The following EDA variants were observed in gnomAD, a reference collection of about 807,000 sequenced individuals.
The protein encoded by EDA is ectodysplasin-A.
A neutral mutation model predicts 23.6 loss-of-function variants in EDA; 2 were observed. The ratio of observed to expected loss-of-function variants is 0.08; its 90% CI spans 0.03 to 0.27. The LOEUF (loss-of-function observed/expected upper bound fraction) is 0.27. Among genes scored for constraint, EDA ranks in the 10% least tolerant of loss-of-function variants. The pLI, the probability that EDA is intolerant of heterozygous loss-of-function variation, is 1.00. For synonymous variants in EDA, 131 were observed against 132.0 expected (o/e 0.99, Z 0.05); for missense variants, 229 against 324.2 (o/e 0.71, Z 2.26).
chrX:69,645,584 T>TTATATATATA lies in EDA; in HGVS notation c.396+28889_396+28890insATATATATAT, dbSNP rs761403541. ...GGTTGCTCTTAGTTCTCTAGTTCTT[T>TTATATATATA]TATATATATGTGTGTGTGTATATAT... is the stretch of plus-strand genomic sequence containing the variant. On this transcript the variant is annotated intron_variant, in intron 1 of 7. Coordinates refer to ENST00000374552, the MANE Select transcript of EDA (RefSeq NM_001399.5). 5.8e-3 allele frequency among the ~76,000 whole-genome samples: 316 copies of TTATATATATA among 54,349 alleles called. 54 individuals are homozygous for TTATATATATA. Among genetic ancestry groups the TTATATATATA allele is most frequent in the African/African-American group, 0.018 (169 of 9,281 alleles). The allele number at this position is 54,349 out of a possible 115,157, so 47.2% of individuals were successfully genotyped here. A position where few individuals can be genotyped will look rare whatever the true frequency, so the allele number is the denominator to read the frequency against.
At chrX:70,033,898 A>G (rs1035356818) in intron 7 of EDA, among the ~76,000 whole-genome samples, 1 of 111,652 alleles carries the variant, frequency 9.0e-6, no homozygotes, top group Non-Finnish European at 1.9e-5. Context: ...AGTCAGTTCC[A>G]GGGTTACTGA....
chrX:69,992,845 T>G (rs1345539668), intron 2 of EDA, among the ~76,000 whole-genome samples: 2 of 107,912 alleles, frequency 1.9e-5, no homozygotes, highest in Non-Finnish European at 3.9e-5. Flanking sequence ...TTCCTATGAG[T>G]CTGCTTTTGT....
intron 1 of EDA, among the ~76,000 whole-genome samples, chrX:69,842,018 C>G (rs903885105): frequency 8.9e-6 from 1 of 112,189 alleles, no homozygotes; most frequent in African/African-American, 3.2e-5. Context: ...GGGTCCCCCC[C>G]GTCGGACCAT....
chrX:69,855,135 C>T (rs1569356136), intron 1 of EDA, among the ~76,000 whole-genome samples: 1 of 110,825 alleles, frequency 9.0e-6, no homozygotes, highest in Non-Finnish European at 1.9e-5. Context: ...TGTTTATATC[C>T]TTTGCCCACT....
At chrX:69,752,948 C>G (rs1327733637) in intron 1 of EDA, among the ~76,000 whole-genome samples, 2 of 111,548 alleles carry the variant, frequency 1.8e-5, no homozygotes, top group Non-Finnish European at 3.8e-5. Context: ...TTTATTGCAT[C>G]TATTTGATTC....
chrX:69,724,692 T>A (rs1300262489), intron 1 of EDA, among the ~76,000 whole-genome samples: 1 of 111,880 alleles, frequency 8.9e-6, no homozygotes, highest in Non-Finnish European at 1.9e-5. Context: ...TGGTTATCTG[T>A]GTTGTCTGGT....
rs768027151 is a variant in EDA at position 69,697,163 on chromosome X, C to T, written c.396+80459C>T. Among the ~76,000 whole-genome samples, 107 of 111,669 alleles carry T rather than the reference C, an allele frequency of 9.6e-4. 1 individual carries two copies. Among genetic ancestry groups the T allele is most frequent in the Non-Finnish European group, 1.5e-3 (81 of 53,123 alleles). On this transcript the variant is annotated intron_variant, in intron 1 of 7. Coordinates refer to ENST00000374552, the MANE Select transcript of EDA (RefSeq NM_001399.5). ...GCTGAGACCTAAAATGGCGTCAGCA[C>T]CAAATGAGGACAGGGCAGGGATTTT... is the stretch of plus-strand genomic sequence containing the variant.
chrX:69,937,427 G>T (rs920990860), intron 1 of EDA: 5 of 752,722 alleles, frequency 6.6e-6, no homozygotes, highest in Non-Finnish European at 1.0e-5. Context: ...TCTTCATGAG[G>T]TACTTCACAT....
intron 1 of EDA, among the ~76,000 whole-genome samples, chrX:69,933,591 C>T (rs1390743587): frequency 9.1e-6 from 1 of 110,442 alleles, no homozygotes; most frequent in Non-Finnish European, 1.9e-5. Context: ...GCAGGAGAAT[C>T]GCTTGAACCC....
At chrX:69,862,996 C>T (rs1244443971) in intron 1 of EDA, among the ~76,000 whole-genome samples, 2 of 107,969 alleles carry the variant, frequency 1.9e-5, no homozygotes, top group Non-Finnish European at 3.8e-5. Flanking sequence ...CTAACACACA[C>T]CACAACAGCA....
At chrX:69,750,799 C>T (rs1247911608) in intron 1 of EDA, among the ~76,000 whole-genome samples, 2 of 112,085 alleles carry the variant, frequency 1.8e-5, no homozygotes, top group Admixed American at 9.4e-5. Context: ...TTTCATGTGT[C>T]TGTGGGCTGC....
chrX:69,957,555 A>G (rs929007727), intron 2 of EDA: 1 of 141,258 alleles, frequency 7.1e-6, no homozygotes. Context: ...TCCACCACAG[A>G]CCCAAGGTCA....
At chrX:69,996,958 G>A (rs1297352468) in intron 2 of EDA, among the ~76,000 whole-genome samples, 4 of 112,357 alleles carry the variant, frequency 3.6e-5, no homozygotes, top group Admixed American at 1.9e-4. Flanking sequence ...CCCCGGCCAC[G>A]TGGACCTGTA....
rs1440315430 is a variant in EDA at position 70,035,320 on chromosome X, C to T, written c.925-38C>T. On this transcript the variant is annotated intron_variant, in intron 7 of 7. Coordinates refer to ENST00000374552, the MANE Select transcript of EDA (RefSeq NM_001399.5). ...GGGAGGGCCCCCCACCCTCTCTTTCCTCTCTTCCCCAATCCCTTCTTGTTG... is the reference window on the plus strand; with the variant it reads ...GGGAGGGCCCCCCACCCTCTCTTTCTTCTCTTCCCCAATCCCTTCTTGTTG... 4 of 1,198,365 alleles carry T rather than the reference C, an allele frequency of 3.3e-6. No homozygotes were observed. In the African/African-American group the frequency reaches 5.3e-5, roughly 16 times the overall value.
At chrX:69,903,581 A>G (rs2891086) in intron 1 of EDA, among the ~76,000 whole-genome samples, 2,860 of 98,171 alleles carry the variant, frequency 0.029, 101 homozygotes, top group African/African-American at 0.1. Context: ...CCCCCTCCGC[A>G]CACACACACA....
intron 2 of EDA, among the ~76,000 whole-genome samples, chrX:69,961,018 AAAAAAAG>A (rs1431424960): frequency 1.3e-3 from 112 of 89,064 alleles, no homozygotes; most frequent in African/African-American, 2.7e-3. Context: ...AACTCCATCC[AAAAAAAG>A]AAAAAAAAAG....
intron 1 of EDA, among the ~76,000 whole-genome samples, chrX:69,753,902 C>T (rs1382082015): frequency 5.8e-5 from 6 of 102,919 alleles, no homozygotes; most frequent in Non-Finnish European, 9.8e-5. Flanking sequence ...GCAATCCCTG[C>T]TTTTTTTTTT....
Position 69,664,321 on chromosome X carries a change from T to C in EDA, c.396+47617T>C, listed in dbSNP as rs951889386. Among the ~76,000 whole-genome samples the C allele has an allele frequency of 3.6e-5, 4 of 111,405 alleles. No homozygotes were observed. The East Asian group carries it at 8.6e-4, about 24-fold the overall frequency. ...TGTCTTTTCCACGCTGTTCTCTTGA[T>C]AGTAAGTGAGTTTTCGTGAGATCTG... On this transcript the variant is annotated intron_variant, in intron 1 of 7. Coordinates refer to ENST00000374552, the MANE Select transcript of EDA (RefSeq NM_001399.5).
At chrX:69,925,526 T>C (rs2018502901) in intron 1 of EDA, among the ~76,000 whole-genome samples, 1 of 111,720 alleles carries the variant, frequency 9.0e-6, no homozygotes, top group South Asian at 3.8e-4. Flanking sequence ...GGATAAGTTT[T>C]TTGATGTGCT....
Sources: gnomAD v4.1 joint callset for allele counts (sites outside exome capture counted in the v4.1 genomes callset) on GRCh38, gnomAD v4.1.1 for gene constraint, MANE v1.5 for transcripts, NCBI Gene and HGNC (gene_info 2026-07-23, HGNC 2026-07-21) for gene names.